Variants in CACNA1A observed in about 807,000 individuals in gnomAD.
CACNA1A encodes the protein calcium voltage-gated channel subunit alpha1 A.
CACNA1A carries 57 observed loss-of-function variants against 262.4 expected under a neutral mutation model. That is an observed-to-expected ratio of 0.22 (90% CI 0.18 to 0.27). The LOEUF is 0.27. Among genes scored for constraint, CACNA1A ranks in the 10% least tolerant of loss-of-function variants. CACNA1A has a pLI of 1.00. For synonymous variants in CACNA1A, 1,431 were observed against 1,419.3 expected, an observed-to-expected ratio of 1.01 and a Z score of -0.18; for missense variants, 2,526 against 3,562.8, an observed-to-expected ratio of 0.71 and a Z score of 7.41.
Position 13,212,488 on chromosome 19 carries a change from A to C in CACNA1A, c.6085T>G (p.Ser2029Ala). The C allele has an allele frequency of 6.3e-7, 1 of 1,590,814 alleles. No homozygotes were observed. Among genetic ancestry groups the C allele is most frequent in the African/African-American group, 1.3e-5 (1 of 74,602 alleles). ...TCCTGGGCACGCTGGGTCACCCAGGACGGGCTCTCCTTGAGGCCGCTTTCG... is the reference window on the plus strand; with the variant it reads ...TCCTGGGCACGCTGGGTCACCCAGGCCGGGCTCTCCTTGAGGCCGCTTTCG... ...AHESGLKESP[S>A]WVTQRAQEMF... The change falls in exon 42 of 47, where the codon TCC (serine) becomes GCC (alanine). Residue 2029 changes from serine (S) to alanine (A), a missense_variant. Physicochemically the swap from Ser to Ala is moderately conservative, Grantham distance 99. This residue lies in a region of CACNA1A where 929 missense variants were observed against 868.1 expected (regional missense o/e 1.07). Coordinates refer to ENST00000360228, the MANE Select transcript of CACNA1A (RefSeq NM_001127222.2). The surrounding 1 kb of genome is among the most constrained non-coding windows in gnomAD (Gnocchi z 5.6).
chr19:13,313,261 G>A (rs1006520931), intron 11 of CACNA1A, among the ~76,000 whole-genome samples: 21 of 152,068 alleles, frequency 1.4e-4, no homozygotes, highest in African/African-American at 4.8e-4. Flanking sequence ...CAGCACTTTG[G>A]GAGGCCTAGG....
At chr19:13,463,671 T>G (rs564677490) in intron 1 of CACNA1A, among the ~76,000 whole-genome samples, 1 of 152,324 alleles carries the variant, frequency 6.6e-6, no homozygotes, top group Non-Finnish European at 1.5e-5. Flanking sequence ...ATTAATCATG[T>G]CATCAGGAAA....
intron 38 of CACNA1A, among the ~76,000 whole-genome samples, chr19:13,216,553 C>T (rs956123343): frequency 6.6e-6 from 1 of 152,048 alleles, no homozygotes; most frequent in Non-Finnish European, 1.5e-5. Context: ...GTCTCGAACT[C>T]CTGACCTCAG....
chr19:13,470,536 C>G (rs1035715169), intron 1 of CACNA1A, among the ~76,000 whole-genome samples: 1 of 152,194 alleles, frequency 6.6e-6, no homozygotes. Context: ...CCTAGGTAAT[C>G]ACCCTTTATC....
At chr19:13,292,038 T>C (rs866739528) in intron 19 of CACNA1A, among the ~76,000 whole-genome samples, 5 of 152,074 alleles carry the variant, frequency 3.3e-5, no homozygotes, top group African/African-American at 9.7e-5. Context: ...AAAGTTCCCT[T>C]TGCAAGCAGA....
rs1412998948 is a variant in CACNA1A, at chr19:13,214,812, G to A, written c.5732-204C>T. On this transcript the variant is annotated intron_variant, in intron 38 of 46. Transcript: ENST00000360228. The surrounding 1 kb of genome is among the most constrained non-coding windows in gnomAD (Gnocchi z 4.1). ...CTTGTGGGCTCTGGTTTTCGGTGGGGCCAGGACCATGGAGCAGCTGTGCAG... is the reference window on the plus strand; with the variant it reads ...CTTGTGGGCTCTGGTTTTCGGTGGGACCAGGACCATGGAGCAGCTGTGCAG... The A allele has an allele frequency of 1.0e-5, 6 of 584,894 alleles. No homozygotes were observed. Among genetic ancestry groups the A allele is most frequent in the Non-Finnish European group, 1.5e-5 (5 of 328,338 alleles). 36.2% of individuals were successfully genotyped at this position (584,894 alleles called of 1,614,324 possible). A position where few individuals can be genotyped will look rare whatever the true frequency, so the allele number is the denominator to read the frequency against.
chr19:13,422,025 TA>T (rs1341821632), intron 3 of CACNA1A, among the ~76,000 whole-genome samples: 1 of 152,062 alleles, frequency 6.6e-6, no homozygotes, highest in Non-Finnish European at 1.5e-5. Context: ...AGGGGATCCT[TA>T]AAAAGTTCAA....
chr19:13,405,143 G>T (rs1167284220), intron 3 of CACNA1A, among the ~76,000 whole-genome samples: 4 of 151,924 alleles, frequency 2.6e-5, no homozygotes, highest in Non-Finnish European at 5.9e-5. Context: ...TGATCTGCCC[G>T]CCTTGGCCTC....
At chr19:13,341,845 G>A (rs567466501) in intron 6 of CACNA1A, among the ~76,000 whole-genome samples, 4 of 152,132 alleles carry the variant, frequency 2.6e-5, no homozygotes, top group East Asian at 1.9e-4. Context: ...ATGTCCATTC[G>A]ACAAGAGGGA....
At chr19:13,354,096 T>A (rs1273473505) in intron 6 of CACNA1A, among the ~76,000 whole-genome samples, 1 of 152,188 alleles carries the variant, frequency 6.6e-6, no homozygotes, top group Non-Finnish European at 1.5e-5. Context: ...ACACAGTAGG[T>A]GCTCAATAAA....
rs1182462892 is a variant in CACNA1A at position 13,207,235 on chromosome 19, C to T, written c.*78G>A. Reference sequence around the variant, plus strand: ...CCGGGCCCTCTGTGCTGGGCCCCCGCGGCCTCTGCGCGGCTCCTCGGGTGG... The same window carrying T: ...CCGGGCCCTCTGTGCTGGGCCCCCGTGGCCTCTGCGCGGCTCCTCGGGTGG... On this transcript the variant is annotated 3_prime_UTR_variant, in exon 47 of 47. Coordinates refer to ENST00000360228, the MANE Select transcript of CACNA1A (RefSeq NM_001127222.2). The surrounding 1 kb of genome is among the most constrained non-coding windows in gnomAD (Gnocchi z 5.7). 1.4e-6 allele frequency: 2 copies of T among 1,393,074 alleles called. No homozygotes were observed. Among genetic ancestry groups the T allele is most frequent in the South Asian group, 2.9e-5 (2 of 68,990 alleles). 86.3% of individuals were successfully genotyped at this position (1,393,074 alleles called of 1,614,324 possible).
intron 5 of CACNA1A, chr19:13,363,652 G>C (rs1599288262): frequency 6.6e-6 from 1 of 152,122 alleles, no homozygotes; most frequent in Admixed American, 6.5e-5. Flanking sequence ...ACTGGGTGGA[G>C]AGGGTGGGTG....
intron 38 of CACNA1A, among the ~76,000 whole-genome samples, chr19:13,216,993 C>T (rs570153662): frequency 4.6e-5 from 7 of 152,112 alleles, no homozygotes; most frequent in Admixed American, 3.3e-4. Context: ...ATTAGCTGGG[C>T]GTGGTGGCGT....
At chr19:13,466,040 G>A (rs1294501481) in intron 1 of CACNA1A, among the ~76,000 whole-genome samples, 1 of 152,078 alleles carries the variant, frequency 6.6e-6, no homozygotes, top group Admixed American at 6.6e-5. Context: ...TGCTTAATGG[G>A]TACAAGGTCT....
chr19:13,279,058 T>C (rs1290037302), intron 22 of CACNA1A, among the ~76,000 whole-genome samples: 1 of 152,106 alleles, frequency 6.6e-6, no homozygotes, highest in Non-Finnish European at 1.5e-5. Flanking sequence ...CAATCCTCCC[T>C]GGCTCGCTCA....
At chr19:13,220,315 G>A (rs867665532) in intron 38 of CACNA1A, among the ~76,000 whole-genome samples, 55 of 151,988 alleles carry the variant, frequency 3.6e-4, no homozygotes, top group African/African-American at 1.0e-3. Flanking sequence ...AGATGATCAG[G>A]GTAGGCCTGC....
At chr19:13,253,880 T>G (rs765102956) in intron 29 of CACNA1A, among the ~76,000 whole-genome samples, 2 of 151,906 alleles carry the variant, frequency 1.3e-5, no homozygotes, top group Non-Finnish European at 2.9e-5. Context: ...GCTGGTATTA[T>G]AGGCATGCGC....
At chr19:13,249,139 A>C (rs1004954258) in intron 30 of CACNA1A, among the ~76,000 whole-genome samples, 4 of 151,962 alleles carry the variant, frequency 2.6e-5, no homozygotes, top group African/African-American at 9.7e-5. Flanking sequence ...TAATTTTTCA[A>C]TGTTTTCTAG....
chr19:13,308,408 A>T lies in CACNA1A; in HGVS notation c.1781+8T>A. On this transcript the variant is annotated splice_region_variant and intron_variant, in intron 13 of 46. Coordinates refer to ENST00000360228, the MANE Select transcript of CACNA1A (RefSeq NM_001127222.2). This position sits in a 1 kb window ranked among gnomAD's most constrained non-coding sequence, Gnocchi z 4.2. The stretch of plus-strand genomic sequence containing the variant: ...CTGTACAAATGTCCAGGAACCCCAA[A>T]GACTTACTTTGTGACTTTGAAAATA... 6.2e-7 allele frequency: 1 copy of T among 1,604,366 alleles called. No homozygotes were observed. Among genetic ancestry groups the T allele is most frequent in the Non-Finnish European group, 8.5e-7 (1 of 1,173,206 alleles).
Sources: gnomAD v4.1 joint callset for allele counts (sites outside exome capture counted in the v4.1 genomes callset) on GRCh38, gnomAD v4.1.1 for gene constraint, gnomAD v4.1.1 regional missense constraint, Gnocchi (gnomAD v3.1) non-coding constraint, MANE v1.5 for transcripts, NCBI Gene and HGNC (gene_info 2026-07-23, HGNC 2026-07-21) for gene names.